The following MARCHF3 variants were observed in gnomAD, a reference collection of about 807,000 sequenced individuals.
The protein encoded by MARCHF3 is E3 ubiquitin-protein ligase MARCHF3.
A neutral mutation model predicts 24.2 loss-of-function variants in MARCHF3; 13 were observed. The ratio of observed to expected loss-of-function variants is 0.54; its 90% CI spans 0.35 to 0.85. The LOEUF is 0.85. MARCHF3 is among the 40% of genes least tolerant of loss of function. The pLI, the probability that MARCHF3 is intolerant of heterozygous loss-of-function variation, is 0.01. For synonymous variants in MARCHF3, 144 were observed against 137.3 expected (o/e 1.05, Z -0.34); for missense variants, 276 against 325.0 (o/e 0.85, Z 1.16).
chr5:126,949,186 C>T (rs1189005249), intron 1 of MARCHF3, among the ~76,000 whole-genome samples: 2 of 152,098 alleles, frequency 1.3e-5, no homozygotes, highest in African/African-American at 4.8e-5. Flanking sequence ...TGAACATATG[C>T]TAAAGAAAAC....
chr5:127,007,436 T>C (rs1014664533), intron 1 of MARCHF3, among the ~76,000 whole-genome samples: 1 of 152,076 alleles, frequency 6.6e-6, no homozygotes, highest in Non-Finnish European at 1.5e-5. Context: ...TAAACATTGA[T>C]GAAAAATTAT....
chr5:126,931,373 T>C (rs1749475067), intron 1 of MARCHF3, among the ~76,000 whole-genome samples: 1 of 152,162 alleles, frequency 6.6e-6, no homozygotes, highest in Non-Finnish European at 1.5e-5. Flanking sequence ...TACTTTCTTA[T>C]AAAGCCAAGG....
At chr5:126,929,202 C>CTGTCTTCT (rs1749399866) in intron 1 of MARCHF3, among the ~76,000 whole-genome samples, 1 of 152,152 alleles carries the variant, frequency 6.6e-6, no homozygotes, top group Admixed American at 6.5e-5. Context: ...TTAAATTTGT[C>CTGTCTTCT]TGTCTTCTTG....
intron 1 of MARCHF3, among the ~76,000 whole-genome samples, chr5:127,028,370 A>T: frequency 6.6e-6 from 1 of 152,212 alleles, no homozygotes; most frequent in Non-Finnish European, 1.5e-5. Context: ...CCTTTTAGTC[A>T]TCAGAATTTT....
rs546909027 is a variant in MARCHF3, at chr5:126,987,669, A to C, written c.-57+42681T>G. Among the ~76,000 whole-genome samples, 19 of 152,348 alleles carry C rather than the reference A, an allele frequency of 1.2e-4. No homozygotes were observed. In the East Asian group the frequency reaches 3.7e-3, roughly 29 times the overall value. ...AGAATATATTGGAGAAAACTTCAGG[A>C]AAGTCAGAGGGTGGGAGTGAGCTGT... On this transcript the variant is annotated intron_variant, in intron 1 of 4. Coordinates refer to ENST00000308660, the MANE Select transcript of MARCHF3 (RefSeq NM_178450.5).
At chr5:126,917,860 T>TTCC in intron 2 of MARCHF3, 124 bp downstream of exon 2, 1 of 941,018 alleles carries the variant, frequency 1.1e-6, no homozygotes, top group South Asian at 2.1e-5. Flanking sequence ...TTTTTTTTTT[T>TTCC]CCAGCACCTC....
intron 1 of MARCHF3, among the ~76,000 whole-genome samples, chr5:126,950,433 AGAT>A (rs1161232496): frequency 1.3e-5 from 2 of 150,230 alleles, no homozygotes; most frequent in Admixed American, 1.3e-4. Context: ...TCACACTCTC[AGAT>A]GATAAGCTTG....
chr5:126,968,284 T>TAGGTC (rs1750885159), intron 1 of MARCHF3, among the ~76,000 whole-genome samples: 2 of 152,246 alleles, frequency 1.3e-5, no homozygotes, highest in Non-Finnish European at 2.9e-5. Context: ...ATATGGTGAC[T>TAGGTC]ATTGTTTAGC....
At chr5:126,907,354 T>G (rs1754337567) in intron 3 of MARCHF3, among the ~76,000 whole-genome samples, 1 of 131,444 alleles carries the variant, frequency 7.6e-6, no homozygotes, top group Non-Finnish European at 1.6e-5. Context: ...CAGAGCTGAG[T>G]TCAATTCCTG....
chr5:126,898,012 G>C (rs996021692), intron 3 of MARCHF3, among the ~76,000 whole-genome samples: 19 of 152,054 alleles, frequency 1.2e-4, no homozygotes, highest in Non-Finnish European at 7.3e-5. Flanking sequence ...AGAGGCTGAA[G>C]ATAGATTAGT....
intron 3 of MARCHF3, among the ~76,000 whole-genome samples, chr5:126,913,556 T>C (rs1026599012): frequency 6.6e-6 from 1 of 152,218 alleles, no homozygotes; most frequent in African/African-American, 2.4e-5. Context: ...TGAAAGTGGA[T>C]GTCAAGTGGC....
rs925106171 is a variant in MARCHF3 at position 126,870,241 on chromosome 5, G to A, written c.*392C>T. 6.5e-6 allele frequency: 1 copy of A among 152,832 alleles called. No homozygotes were observed. The allele number at this position is 152,832 out of a possible 1,614,324, so 9.5% of individuals were successfully genotyped here. A position where few individuals can be genotyped will look rare whatever the true frequency, so the allele number is the denominator to read the frequency against. ...AAACCAGTTTTTACGTTGACTTTTT[G>A]ATTTTGATTATCATCTAAGTTTAAT... On this transcript the variant is annotated 3_prime_UTR_variant, in exon 5 of 5. Transcript: ENST00000308660.
At chr5:126,993,740 A>G (rs911759517) in intron 1 of MARCHF3, among the ~76,000 whole-genome samples, 1 of 152,218 alleles carries the variant, frequency 6.6e-6, no homozygotes, top group Non-Finnish European at 1.5e-5. Flanking sequence ...TGGCGTCTAC[A>G]TCTCCATTCC....
Position 126,909,632 on chromosome 5 carries a change from G to T in MARCHF3, c.393+5298C>A, listed in dbSNP as rs137896827. ...CTTTGACTAGGAAAGGGAACTCCCT[G>T]ACCCCTTGCACTTCCCAATGCCTCA... On this transcript the variant is annotated intron_variant, in intron 3 of 4. Transcript: ENST00000308660. Among the ~76,000 whole-genome samples, 143 of 152,322 alleles carry T rather than the reference G, an allele frequency of 9.4e-4. 1 individual carries two copies. Among genetic ancestry groups the T allele is most frequent in the African/African-American group, 3.2e-3 (134 of 41,560 alleles).
At chr5:126,898,514 A>T (rs1419441906) in intron 3 of MARCHF3, among the ~76,000 whole-genome samples, 1 of 152,094 alleles carries the variant, frequency 6.6e-6, no homozygotes, top group Non-Finnish European at 1.5e-5. Flanking sequence ...GCCATTTATT[A>T]CCTCCATCTC....
At chr5:126,992,077 T>C (rs1751782997) in intron 1 of MARCHF3, among the ~76,000 whole-genome samples, 1 of 152,130 alleles carries the variant, frequency 6.6e-6, no homozygotes, top group African/African-American at 2.4e-5. Flanking sequence ...TAATGCTGAG[T>C]GAACAGTCGC....
At chr5:126,992,533 G>A (rs945429888) in intron 1 of MARCHF3, among the ~76,000 whole-genome samples, 1 of 152,114 alleles carries the variant, frequency 6.6e-6, no homozygotes, top group Non-Finnish European at 1.5e-5. Flanking sequence ...TGAGTTTTGT[G>A]CCCGTGGCTG....
intron 1 of MARCHF3, among the ~76,000 whole-genome samples, chr5:126,957,278 T>C (rs1409906852): frequency 6.6e-6 from 1 of 152,200 alleles, no homozygotes; most frequent in Non-Finnish European, 1.5e-5. Flanking sequence ...ATATTAAAGA[T>C]AGTAACCTTT....
rs1050128068 is a variant in MARCHF3, at chr5:127,000,014, C to A, written c.-57+30336G>T. Reference sequence around the variant, plus strand: ...AGAATATATATTATTCTATAAAGTACATTAGAATATATAAGATCATTAATA... The same window carrying A: ...AGAATATATATTATTCTATAAAGTAAATTAGAATATATAAGATCATTAATA... On this transcript the variant is annotated intron_variant, in intron 1 of 4. Coordinates refer to ENST00000308660, the MANE Select transcript of MARCHF3 (RefSeq NM_178450.5). Among the ~76,000 whole-genome samples the A allele has an allele frequency of 2.0e-5, 3 of 148,746 alleles. No homozygotes were observed. In the South Asian group the frequency reaches 6.3e-4, roughly 31 times the overall value.
Sources: allele counts gnomAD v4.1 joint callset (sites outside exome capture counted in the v4.1 genomes callset), GRCh38; gene constraint gnomAD v4.1.1; transcripts MANE v1.5; gene names NCBI Gene and HGNC (gene_info 2026-07-23, HGNC 2026-07-21).